The following FCRL2 variants were observed in gnomAD, a reference collection of about 807,000 sequenced individuals.
The protein encoded by FCRL2 is Fc receptor-like protein 2.
In FCRL2, 48 loss-of-function variants were observed where a neutral mutation model predicts 59.8. The ratio of observed to expected loss-of-function variants is 0.80; its 90% CI spans 0.64 to 1.02. The LOEUF is 1.02. Ranked by LOEUF, FCRL2 falls within the 50% of genes least tolerant of loss-of-function variation. The pLI is 0.00. For synonymous variants in FCRL2, 251 were observed against 229.5 expected (o/e 1.09, Z -0.85); for missense variants, 658 against 597.3 (o/e 1.10, Z -1.06).
At position 157,769,929 on chromosome 1, in the gene FCRL2, T is replaced by C. The variant is rs1649859174; in HGVS notation, c.532A>G (p.Lys178Glu). 6.2e-7 allele frequency: 1 copy of C among 1,614,222 alleles called. No homozygotes were observed. The highest frequency in any genetic ancestry group is 1.1e-5 in the South Asian group (1 of 91,088). ...WSEDTGSYWC[K>E]AETVTHRIRK... is the part of the protein sequence containing the mutation. Reference sequence around the variant, plus strand: ...ATCCTGTGAGTCACCGTTTCTGCCTTGCACCAGTAAGACCCTGTGTCTTCA... The same window carrying C: ...ATCCTGTGAGTCACCGTTTCTGCCTCGCACCAGTAAGACCCTGTGTCTTCA... Residue 178 changes from lysine to glutamate, a missense_variant, in exon 4 of 12, where the codon AAG (lysine) becomes GAG (glutamate). Transcript: ENST00000361516.
rs540168433 is a variant in FCRL2, at chr1:157,770,637, CAG to C, written c.80_81del (p.Ser27CysfsTer26). 5.6e-4 allele frequency: 908 copies of C among 1,614,132 alleles called. 3 individuals are homozygous for C. In the African/African-American group the frequency reaches 0.011, roughly 19 times the overall value. ...AGAACGATGCTGTCTCCTTCGAAGA[CAG>C]AAGAGGGCGCCACAAGGGTCAGCGA... ...ADSLTLVAPS[S>X]VFEGDSIVLK... On this transcript the variant is annotated frameshift_variant, in exon 3 of 12. Transcript: ENST00000361516. LOFTEE classifies it high-confidence loss of function.
intron 7 of FCRL2, among the ~76,000 whole-genome samples, chr1:157,760,682 A>AGAAAGAAAGAAG (rs1557860276): frequency 3.3e-5 from 4 of 119,522 alleles, no homozygotes; most frequent in African/African-American, 1.3e-4. Flanking sequence ...AAGGAAGGAA[A>AGAAAGAAAGAAG]GAAAGAAAGA....
intron 7 of FCRL2, among the ~76,000 whole-genome samples, chr1:157,758,916 A>G (rs555829903): frequency 9.2e-5 from 14 of 152,340 alleles, no homozygotes; most frequent in Non-Finnish European, 5.9e-5. Context: ...TTCACCATAT[A>G]CAAAAATCAA....
intron 1 of FCRL2, 53 bp downstream of exon 1, chr1:157,776,990 A>G: frequency 6.5e-7 from 1 of 1,542,614 alleles, no homozygotes. Context: ...TTTTGGGAGC[A>G]GTAGACCTCA....
At chr1:157,749,189 C>G (rs1647996885) in intron 8 of FCRL2, among the ~76,000 whole-genome samples, 1 of 151,398 alleles carries the variant, frequency 6.6e-6, no homozygotes, top group African/African-American at 2.4e-5. Flanking sequence ...GCTCCAGAAT[C>G]TTTTTTTTTC....
Position 157,768,673 on chromosome 1 carries a change from C to A in FCRL2, c.624G>T (p.Glu208Asp), listed in dbSNP as rs1301723317. The change falls in exon 5 of 12, where the codon GAG becomes GAT. Residue 208 changes from glutamate (E) to aspartate (D), a missense_variant. Glu to Asp is a conservative substitution (Grantham distance 45, BLOSUM62 2). Transcript: ENST00000361516. ...TCACCTGTCCCCCGGGGGCCCGGAT[C>A]TCCAAGCTTACATTAGAGATGGGGA... ...QRIPISNVSL[E>D]IRAPGGQVTE... The A allele has an allele frequency of 6.2e-7, 1 of 1,612,922 alleles. No individual in the cohort carries two copies. Among genetic ancestry groups the A allele is most frequent in the African/African-American group, 1.3e-5 (1 of 74,888 alleles).
At chr1:157,751,937 C>T (rs1213853792) in intron 7 of FCRL2, among the ~76,000 whole-genome samples, 1 of 151,770 alleles carries the variant, frequency 6.6e-6, no homozygotes, top group Non-Finnish European at 1.5e-5. Context: ...CAGAGGAAAT[C>T]AATGCCAGCC....
At chr1:157,759,518 A>G (rs1463563572) in intron 7 of FCRL2, among the ~76,000 whole-genome samples, 1 of 152,228 alleles carries the variant, frequency 6.6e-6, no homozygotes, top group Non-Finnish European at 1.5e-5. Flanking sequence ...AATCTATAGA[A>G]TGGAAGAAGA....
At chr1:157,748,143 G>A (rs746167760) in intron 10 of FCRL2, among the ~76,000 whole-genome samples, 3 of 152,110 alleles carry the variant, frequency 2.0e-5, no homozygotes, top group East Asian at 1.9e-4. Context: ...TGCTGGCTGG[G>A]TGCAGTGGCT....
rs1234776329 is a variant in FCRL2, at chr1:157,775,755, C to T, written c.52+20G>A. On this transcript the variant is annotated intron_variant, in intron 2 of 11. Coordinates refer to ENST00000361516, the MANE Select transcript of FCRL2 (RefSeq NM_030764.4). ...CTGATATGCCAGAGACCAAGAACAACAAAGACAAGGAGGACTCACCTGCCT... is the reference window on the plus strand; with the variant it reads ...CTGATATGCCAGAGACCAAGAACAATAAAGACAAGGAGGACTCACCTGCCT... 1 of 1,613,962 alleles carries T rather than the reference C, an allele frequency of 6.2e-7. No homozygotes were observed. The highest frequency in any genetic ancestry group is 8.5e-7 in the Non-Finnish European group (1 of 1,179,884).
At chr1:157,762,165 C>T (rs1336703682) in intron 7 of FCRL2, among the ~76,000 whole-genome samples, 2 of 152,174 alleles carry the variant, frequency 1.3e-5, no homozygotes, top group Non-Finnish European at 2.9e-5. Flanking sequence ...TCCAGGGGAC[C>T]TGAGGTTGGG....
rs946489189 is a variant in FCRL2 at position 157,746,370 on chromosome 1, A to T, written c.*366T>A. 1 of 211,258 alleles carries T rather than the reference A, an allele frequency of 4.7e-6. No individual in the cohort carries two copies. Among genetic ancestry groups the T allele is most frequent in the Non-Finnish European group, 9.4e-6 (1 of 106,142 alleles). The allele number at this position is 211,258 out of a possible 1,614,324, so 13.1% of individuals were successfully genotyped here. A position where few individuals can be genotyped will look rare whatever the true frequency, so the allele number is the denominator to read the frequency against. ...ATATTAGCAAACTGTATCCAGCAGC[A>T]CATAAATAAGTTAATACACCACTAT... is the stretch of plus-strand genomic sequence containing the variant. On this transcript the variant is annotated 3_prime_UTR_variant, in exon 12 of 12. Coordinates refer to ENST00000361516, the MANE Select transcript of FCRL2 (RefSeq NM_030764.4).
intron 2 of FCRL2, among the ~76,000 whole-genome samples, chr1:157,770,954 G>GGA (rs747072901): frequency 4.6e-5 from 7 of 152,146 alleles, no homozygotes; most frequent in Non-Finnish European, 1.0e-4. Flanking sequence ...GCATTGTCAG[G>GGA]TTGTGATGAC....
chr1:157,759,489 A>G (rs1225521848), intron 7 of FCRL2, among the ~76,000 whole-genome samples: 1 of 152,234 alleles, frequency 6.6e-6, no homozygotes, highest in Non-Finnish European at 1.5e-5. Flanking sequence ...AACAAAAGAA[A>G]CTAACAAAGT....
rs746908460 is a variant in FCRL2, at chr1:157,768,501, T to C, written c.796A>G (p.Lys266Glu). The C allele has an allele frequency of 1.9e-6, 3 of 1,614,228 alleles. No individual in the cohort carries two copies. The East Asian group carries it at 6.7e-5, about 36-fold the overall frequency. The change falls in exon 5 of 12, where the codon AAA becomes GAA. Residue 266 changes from lysine (K) to glutamate (E), a missense_variant. Coordinates refer to ENST00000361516, the MANE Select transcript of FCRL2 (RefSeq NM_030764.4). ...TAATATTTGCCGGCATCACTCTCTTTCACAGCTGGGATCTCCAGCTCTGCT... is the reference window on the plus strand; with the variant it reads ...TAATATTTGCCGGCATCACTCTCTTCCACAGCTGGGATCTCCAGCTCTGCT... ...LSAELEIPAVKESDAGKYYCR... is the reference protein window; with the variant it reads ...LSAELEIPAVEESDAGKYYCR...
At chr1:157,774,446 T>C in intron 2 of FCRL2, 1 of 456,474 alleles carries the variant, frequency 2.2e-6, no homozygotes, top group Non-Finnish European at 4.4e-6. Flanking sequence ...AACTAAGTTC[T>C]CTCTTACTCT....
At chr1:157,756,195 A>G (rs373573031) in intron 7 of FCRL2, among the ~76,000 whole-genome samples, 1 of 152,246 alleles carries the variant, frequency 6.6e-6, no homozygotes, top group East Asian at 1.9e-4. Context: ...TGTGCAAAGC[A>G]CAAAAGTTAA....
At position 157,768,550 on chromosome 1, in the gene FCRL2, T is replaced by C. The variant is rs1571287566; in HGVS notation, c.747A>G (p.Gly249=). The part of the protein sequence containing the change: ...WYREATGTSM[G]KKTQRSLSAE... ...CTGACAGGGAACGCTGGGTTTTCTTTCCCATACTGGTTCCTGTGGCCTCTC... is the reference window on the plus strand; with the variant it reads ...CTGACAGGGAACGCTGGGTTTTCTTCCCCATACTGGTTCCTGTGGCCTCTC... The change falls in exon 5 of 12, where the codon GGA becomes GGG. Residue 249 remains glycine (G), a synonymous_variant. Transcript: ENST00000361516. 6.2e-7 allele frequency: 1 copy of C among 1,614,188 alleles called. No individual in the cohort carries two copies. Among genetic ancestry groups the C allele is most frequent in the Non-Finnish European group, 8.5e-7 (1 of 1,180,018 alleles).
chr1:157,769,650 A>G (rs1302561702), intron 4 of FCRL2: 3 of 474,934 alleles, frequency 6.3e-6, no homozygotes, highest in South Asian at 2.4e-5. Flanking sequence ...GATGGTCTCT[A>G]TCTCCTGACC....
Sources: gnomAD v4.1 joint callset for allele counts (sites outside exome capture counted in the v4.1 genomes callset) on GRCh38, gnomAD v4.1.1 for gene constraint, MANE v1.5 for transcripts, NCBI Gene and HGNC (gene_info 2026-07-23, HGNC 2026-07-21) for gene names.